The following PCDHA2 variants were observed in gnomAD, a reference collection of about 807,000 sequenced individuals.
PCDHA2 encodes the protein protocadherin alpha-2.
A neutral mutation model predicts 66.0 loss-of-function variants in PCDHA2; 58 were observed. That is an observed-to-expected ratio of 0.88 (90% CI 0.71 to 1.09). The LOEUF is 1.09. PCDHA2 is among the 50% of genes least tolerant of loss of function. The probability of loss-of-function intolerance (pLI) is 0.00; values close to 1 mark genes in which losing one functional copy is unlikely to be tolerated. For synonymous variants in PCDHA2, 634 were observed against 554.0 expected, an observed-to-expected ratio of 1.14 and a Z score of -2.03; for missense variants, 1,267 against 1,242.3, an observed-to-expected ratio of 1.02 and a Z score of -0.30.
intron 1 of PCDHA2, chr5:140,805,748 A>G: frequency 3.8e-6 from 1 of 262,866 alleles, no homozygotes; most frequent in Non-Finnish European, 5.9e-6. Context: ...ATTGAACTTG[A>G]AATACATCTT....
At chr5:140,837,655 T>C (rs1323533582) in intron 1 of PCDHA2, among the ~76,000 whole-genome samples, 3 of 151,204 alleles carry the variant, frequency 2.0e-5, no homozygotes, top group Non-Finnish European at 4.4e-5. Context: ...CTTTCTTCCT[T>C]TTTCTTTCAT....
intron 1 of PCDHA2, among the ~76,000 whole-genome samples, chr5:140,937,239 G>C (rs1331547271): frequency 2.0e-5 from 3 of 151,804 alleles, no homozygotes; most frequent in African/African-American, 7.3e-5. Context: ...GGGTTTCACC[G>C]TGTTAGCCAG....
chr5:140,807,794 G>A (rs1554124277), intron 1 of PCDHA2: 1 of 1,614,154 alleles, frequency 6.2e-7, no homozygotes, highest in East Asian at 2.2e-5. Context: ...TTTAGACAGA[G>A]AAGAAGCTCC....
At chr5:140,850,650 A>G in intron 1 of PCDHA2, 1 of 1,598,426 alleles carries the variant, frequency 6.3e-7, no homozygotes, top group Non-Finnish European at 8.6e-7. Context: ...GCTGCTGTAC[A>G]CTGTGCTGCG....
Position 140,822,061 on chromosome 5 carries a change from C to G in PCDHA2, c.2388+24709C>G, listed in dbSNP as rs2150113317. The G allele has an allele frequency of 1.9e-6, 3 of 1,614,168 alleles. No individual in the cohort carries two copies. The highest frequency in any genetic ancestry group is 2.2e-5 in the East Asian group (1 of 44,886). On this transcript the variant is annotated intron_variant, in intron 1 of 3. Coordinates refer to ENST00000526136, the MANE Select transcript of PCDHA2 (RefSeq NM_018905.3). Reference sequence around the variant, plus strand: ...TCGGATCGACCGGGAGGAGCTGTGCCGGCGGAGGGCGGAGTGCAGCATCCA... The same window carrying G: ...TCGGATCGACCGGGAGGAGCTGTGCGGGCGGAGGGCGGAGTGCAGCATCCA...
chr5:140,809,728 C>A lies in PCDHA2; in HGVS notation c.2388+12376C>A, dbSNP rs1178917105. Reference sequence around the variant, plus strand: ...AAAGTCTTTTGGAATTATAGGACATCAGAGCAATATATATTGCCTTCCTTC... The same window carrying A: ...AAAGTCTTTTGGAATTATAGGACATAAGAGCAATATATATTGCCTTCCTTC... On this transcript the variant is annotated intron_variant, in intron 1 of 3. Coordinates refer to ENST00000526136, the MANE Select transcript of PCDHA2 (RefSeq NM_018905.3). 4 of 799,806 alleles carry A rather than the reference C, an allele frequency of 5.0e-6. No individual in the cohort carries two copies. In the East Asian group the frequency reaches 1.1e-4, roughly 21 times the overall value. 49.5% of individuals were successfully genotyped at this position (799,806 alleles called of 1,614,324 possible).
intron 2 of PCDHA2, among the ~76,000 whole-genome samples, chr5:140,981,152 C>T (rs1340087244): frequency 6.6e-6 from 1 of 152,210 alleles, no homozygotes; most frequent in African/African-American, 2.4e-5. Flanking sequence ...AAACATTGAA[C>T]TTATATGTTG....
intron 1 of PCDHA2, among the ~76,000 whole-genome samples, chr5:140,973,052 G>C (rs114678656): frequency 0.013 from 2,011 of 152,210 alleles, 55 homozygotes; most frequent in African/African-American, 0.046. Flanking sequence ...TAGTAGATTT[G>C]TCCAACAGTG....
rs372235129 is a variant in PCDHA2 at position 140,927,231 on chromosome 5, C to T, written c.2389-51718C>T. On this transcript the variant is annotated intron_variant, in intron 1 of 3. Transcript: ENST00000526136. ...TGGAGCTGCACAAGATTCGGATTCA[C>T]GTCCTGGACACCAATGACAACTCAC... 3.7e-6 allele frequency: 6 copies of T among 1,614,020 alleles called. No individual in the cohort carries two copies. In the African/African-American group the frequency reaches 4.0e-5, roughly 11 times the overall value.
At chr5:140,805,836 C>T (rs1340568137) in intron 1 of PCDHA2, among the ~76,000 whole-genome samples, 1 of 152,126 alleles carries the variant, frequency 6.6e-6, no homozygotes, top group East Asian at 1.9e-4. Flanking sequence ...ATTTTCCCAA[C>T]TAGATATGCG....
chr5:140,982,340 G>C (rs1186327832), intron 2 of PCDHA2, 135 bp from the exon 3 acceptor site: 1 of 1,458,038 alleles, frequency 6.9e-7, no homozygotes, highest in East Asian at 2.5e-5. Flanking sequence ...AGCAGTAATT[G>C]CTTCAGTTCA....
chr5:140,796,571 G>A lies in PCDHA2; in HGVS notation c.1607G>A (p.Ser536Asn), dbSNP rs202138167. The A allele has an allele frequency of 2.7e-5, 44 of 1,612,980 alleles. No homozygotes were observed. Among genetic ancestry groups the A allele is most frequent in the Non-Finnish European group, 3.4e-5 (40 of 1,179,814 alleles). ...EEVELLQFQV[S>N]ARDAGVPPLG... ...GTGGAGCTGCTGCAGTTCCAGGTGA[G>A]CGCGCGGGATGCGGGCGTGCCGCCT... Residue 536 changes from serine to asparagine, a missense_variant, in exon 1 of 4, where the codon AGC becomes AAC. Ser to Asn is a conservative substitution (Grantham distance 46). Coordinates refer to ENST00000526136, the MANE Select transcript of PCDHA2 (RefSeq NM_018905.3).
chr5:140,975,058 C>T (rs1016137596), intron 1 of PCDHA2, among the ~76,000 whole-genome samples: 34 of 152,090 alleles, frequency 2.2e-4, no homozygotes, highest in African/African-American at 8.2e-4. Context: ...AATCTACTAT[C>T]GAGCTCATTC....
chr5:140,846,341 GC>G (rs1780334025), intron 1 of PCDHA2, among the ~76,000 whole-genome samples: 1 of 144,650 alleles, frequency 6.9e-6, no homozygotes, highest in Non-Finnish European at 1.5e-5. Flanking sequence ...CTTTTAAAGT[GC>G]TTTCTCTTTT....
At chr5:140,921,988 A>G (rs1182214376) in intron 1 of PCDHA2, among the ~76,000 whole-genome samples, 1 of 152,132 alleles carries the variant, frequency 6.6e-6, no homozygotes, top group Non-Finnish European at 1.5e-5. Flanking sequence ...ACTAAAAAAG[A>G]GTTCAATGAA....
chr5:140,852,012 T>C (rs2042217314), intron 1 of PCDHA2: 1 of 965,684 alleles, frequency 1.0e-6, no homozygotes, highest in East Asian at 1.1e-4. Context: ...TAATTTATAG[T>C]TTTAAAAACT....
chr5:140,822,258 T>A (rs2150114937), intron 1 of PCDHA2: 42 of 1,614,142 alleles, frequency 2.6e-5, no homozygotes, highest in South Asian at 2.0e-4. Flanking sequence ...ATTTGGATAT[T>A]GGAGCAAATG....
In PCDHA2 at chr5:140,795,829, A is replaced by G. The variant is rs1761999918; in HGVS notation, c.865A>G (p.Ile289Val). The change falls in exon 1 of 4, where the codon ATA becomes GTA. Residue 289 changes from isoleucine (I) to valine (V), a missense_variant. By Grantham distance (29) the Ile-to-Val change is conservative (BLOSUM62 3). Coordinates refer to ENST00000526136, the MANE Select transcript of PCDHA2 (RefSeq NM_018905.3). The part of the protein sequence containing the change: ...YSLGSDVSST[I>V]QTKFTIDPIS... ...ACTCGGTAGTGATGTGTCCTCCACT[A>G]TACAGACTAAGTTTACCATAGATCC... The G allele has an allele frequency of 4.3e-6, 7 of 1,613,906 alleles. No individual in the cohort carries two copies. Among genetic ancestry groups the G allele is most frequent in the Non-Finnish European group, 5.9e-6 (7 of 1,179,946 alleles).
chr5:141,010,462 T>A lies in PCDHA2; in HGVS notation c.*525T>A. On this transcript the variant is annotated 3_prime_UTR_variant, in exon 4 of 4. Transcript: ENST00000526136. ...ACAAATAAACAGCGGAAGTTATCAGTATGGAGGGGAAGTGTAAACTTAAAG... is the reference window on the plus strand; with the variant it reads ...ACAAATAAACAGCGGAAGTTATCAGAATGGAGGGGAAGTGTAAACTTAAAG... The A allele has an allele frequency of 2.4e-6, 2 of 822,568 alleles. No individual in the cohort carries two copies. Among genetic ancestry groups the A allele is most frequent in the Non-Finnish European group, 3.6e-6 (2 of 552,664 alleles). The allele number at this position is 822,568 out of a possible 1,614,324, so 51.0% of individuals were successfully genotyped here.
Sources: allele counts gnomAD v4.1 joint callset (sites outside exome capture counted in the v4.1 genomes callset), GRCh38; gene constraint gnomAD v4.1.1; transcripts MANE v1.5; gene names NCBI Gene and HGNC (gene_info 2026-07-23, HGNC 2026-07-21).